CRYBG3: variants seen among roughly 807,000 people sequenced by gnomAD.
CRYBG3 encodes crystallin beta-gamma domain containing 3, also known as very large A-kinase anchor protein.
Under a neutral mutation model 244.2 loss-of-function variants are expected in CRYBG3, and 127 were observed. The observed-to-expected ratio is 0.52, with a 90% confidence interval of 0.45 to 0.60. The LOEUF is 0.60. Among genes scored for constraint, CRYBG3 ranks in the 20% least tolerant of loss-of-function variants. The probability of loss-of-function intolerance (pLI) is 0.00; values close to 1 mark genes in which losing one functional copy is unlikely to be tolerated. For synonymous variants in CRYBG3, 1,132 were observed against 1,195.8 expected (o/e 0.95, Z 1.10); for missense variants, 3,325 against 3,442.5 (o/e 0.97, Z 0.85).
At chr3:97,935,873 A>G (rs115003953) in intron 18 of CRYBG3, among the ~76,000 whole-genome samples, 509 of 152,124 alleles carry the variant, frequency 3.3e-3, no homozygotes, top group African/African-American at 0.012. Flanking sequence ...CCCTGCCACA[A>G]TTCCAGGTGC....
chr3:97,845,965 C>T lies in CRYBG3; in HGVS notation c.216+2704C>T, dbSNP rs190152505. Among the ~76,000 whole-genome samples the T allele has an allele frequency of 7.9e-5, 12 of 152,278 alleles. 1 individual carries two copies. The highest frequency in any genetic ancestry group is 2.2e-4 in the African/African-American group (9 of 41,544). ...TGTTCAGTTCTTAATGCTTTCTGCT[C>T]GGACTCCTGTTTCTCTTTTAGTTCC... On this transcript the variant is annotated intron_variant, in intron 2 of 21. Transcript: ENST00000389622.
intron 2 of CRYBG3, among the ~76,000 whole-genome samples, chr3:97,849,097 C>G (rs1330807180): frequency 6.6e-6 from 1 of 152,160 alleles, no homozygotes; most frequent in Non-Finnish European, 1.5e-5. Context: ...TTTATTTAAC[C>G]TCTCTGAATC....
chr3:97,907,647 A>C (rs1381112362), intron 15 of CRYBG3, among the ~76,000 whole-genome samples: 1 of 144,832 alleles, frequency 6.9e-6, no homozygotes, highest in African/African-American at 2.6e-5. Flanking sequence ...TTTTTTCTTT[A>C]TTAGTCTTGC....
chr3:97,824,080 TAGC>T (rs2038547092), intron 1 of CRYBG3, among the ~76,000 whole-genome samples: 1 of 152,224 alleles, frequency 6.6e-6, no homozygotes, highest in African/African-American at 2.4e-5. Context: ...GTTAGGGGGA[TAGC>T]AGATGACCCT....
At chr3:97,935,766 G>C (rs1042730506) in intron 18 of CRYBG3, among the ~76,000 whole-genome samples, 2 of 151,994 alleles carry the variant, frequency 1.3e-5, no homozygotes, top group African/African-American at 4.8e-5. Flanking sequence ...CTGTTCCTGA[G>C]CTCTGGTCCA....
Position 97,899,282 on chromosome 3 carries a change from T to C in CRYBG3, c.7971+19T>C, listed in dbSNP as rs1388942665. The C allele has an allele frequency of 1.2e-6, 2 of 1,605,506 alleles. No homozygotes were observed. Among genetic ancestry groups the C allele is most frequent in the South Asian group, 2.3e-5 (2 of 88,800 alleles). On this transcript the variant is annotated intron_variant, in intron 14 of 21. Coordinates refer to ENST00000389622, the MANE Select transcript of CRYBG3 (RefSeq NM_153605.4). ...CCAACTGGTGAGTGAAGTATGAACATAGCCAGTGCTGCATCATGTAATAGT... is the reference window on the plus strand; with the variant it reads ...CCAACTGGTGAGTGAAGTATGAACACAGCCAGTGCTGCATCATGTAATAGT...
chr3:97,897,708 T>A (rs375409632), intron 12 of CRYBG3, among the ~76,000 whole-genome samples: 3 of 152,322 alleles, frequency 2.0e-5, no homozygotes, highest in South Asian at 4.1e-4. Flanking sequence ...GTTTATAATT[T>A]TTCACTATTG....
rs770198248 is a variant in CRYBG3 at position 97,942,479 on chromosome 3, GATAT to G, written c.8824+37_8824+40del. On this transcript the variant is annotated intron_variant, in intron 21 of 21. Coordinates refer to ENST00000389622, the MANE Select transcript of CRYBG3 (RefSeq NM_153605.4). The stretch of plus-strand genomic sequence containing the variant: ...GATGATACCCAATGTTGTGTCCCTG[GATAT>G]TAGTTTCAGTTCCAAATCTCCTCAT... 37 of 1,548,686 alleles carry G rather than the reference GATAT, an allele frequency of 2.4e-5. No individual in the cohort carries two copies. In the African/African-American group the frequency reaches 4.6e-4, roughly 19 times the overall value.
intron 15 of CRYBG3, 83 bp from the exon 16 acceptor site, chr3:97,912,084 C>A: frequency 1.7e-6 from 1 of 595,324 alleles, no homozygotes; most frequent in South Asian, 2.9e-5. Context: ...TTTATAAATT[C>A]ATGAAATTAA....
At chr3:97,837,131 C>G (rs1157212911) in intron 1 of CRYBG3, 1 of 152,176 alleles carries the variant, frequency 6.6e-6, no homozygotes, top group Non-Finnish European at 1.5e-5. Flanking sequence ...CATTTTACTA[C>G]TTATGACAGT....
chr3:97,933,153 G>C (rs964816248), intron 17 of CRYBG3: 2 of 452,640 alleles, frequency 4.4e-6, no homozygotes, highest in African/African-American at 2.0e-5. Context: ...TGTCTGACAT[G>C]ATGGGTTGAA....
At chr3:97,882,212 T>C (rs886679796) in intron 7 of CRYBG3, among the ~76,000 whole-genome samples, 4 of 150,834 alleles carry the variant, frequency 2.7e-5, no homozygotes, top group Admixed American at 6.6e-5. Context: ...TGTCTAATAA[T>C]AATAATAATA....
Position 97,876,834 on chromosome 3 carries a change from C to G in CRYBG3, c.5640C>G (p.Thr1880=). The G allele has an allele frequency of 7.3e-7, 1 of 1,371,294 alleles. No homozygotes were observed. 84.9% of individuals were successfully genotyped at this position (1,371,294 alleles called of 1,614,324 possible). The change falls in exon 4 of 22, where the codon ACC becomes ACG. Residue 1880 remains threonine (T), a synonymous_variant. Transcript: ENST00000389622. ...EKIHGTGLEL[T]TKQGEAMLPA... ...TACATGGAACAGGACTAGAATTGAC[C>G]ACTAAACAAGGGGAGGCCATGCTTC...
At chr3:97,922,883 G>A (rs1191883387) in intron 17 of CRYBG3, among the ~76,000 whole-genome samples, 2 of 152,066 alleles carry the variant, frequency 1.3e-5, no homozygotes, top group Admixed American at 1.3e-4. Flanking sequence ...AAAGACACAT[G>A]CACACATATG....
intron 2 of CRYBG3, among the ~76,000 whole-genome samples, 187 bp downstream of exon 2, chr3:97,843,448 G>A (rs2038851829): frequency 6.6e-6 from 1 of 152,150 alleles, no homozygotes; most frequent in African/African-American, 2.4e-5. Flanking sequence ...GACAGGTGGG[G>A]AAAGGCTCTG....
intron 2 of CRYBG3, among the ~76,000 whole-genome samples, chr3:97,857,938 G>A (rs1196527174): frequency 6.6e-6 from 1 of 151,878 alleles, no homozygotes; most frequent in Non-Finnish European, 1.5e-5. Flanking sequence ...TCATGATGAG[G>A]TTTGATTACT....
chr3:97,825,990 C>T (rs2038571523), intron 1 of CRYBG3, among the ~76,000 whole-genome samples: 1 of 152,138 alleles, frequency 6.6e-6, no homozygotes, highest in Non-Finnish European at 1.5e-5. Flanking sequence ...TAATTGGTAA[C>T]TAGTTAGTTG....
chr3:97,844,918 A>G (rs1214503582), intron 2 of CRYBG3, among the ~76,000 whole-genome samples: 1 of 152,174 alleles, frequency 6.6e-6, no homozygotes, highest in South Asian at 2.1e-4. Flanking sequence ...TTTGAAGCCT[A>G]TGAGTTTACT....
In CRYBG3 at chr3:97,895,991, G is replaced by T; in HGVS notation, c.7607G>T (p.Gly2536Val). ...GCCTATGAAAAAGAACATTTTAAAGGCCAGCAGTTTCTGCTTGAAGAAGGA... is the reference window on the plus strand; with the variant it reads ...GCCTATGAAAAAGAACATTTTAAAGTCCAGCAGTTTCTGCTTGAAGAAGGA... The part of the protein sequence containing the change: ...WVAYEKEHFK[G>V]QQFLLEEGDF... Residue 2536 changes from glycine (G) to valine (V), a missense_variant, in exon 12 of 22, where the codon GGC becomes GTC. This residue lies in a region of CRYBG3 where 714 missense variants were observed against 803.6 expected (regional missense o/e 0.89). Coordinates refer to ENST00000389622, the MANE Select transcript of CRYBG3 (RefSeq NM_153605.4). The T allele has an allele frequency of 1.9e-6, 3 of 1,613,306 alleles. No individual in the cohort carries two copies. Among genetic ancestry groups the T allele is most frequent in the Non-Finnish European group, 2.5e-6 (3 of 1,179,608 alleles).
Sources: allele counts gnomAD v4.1 joint callset (sites outside exome capture counted in the v4.1 genomes callset), GRCh38; gene constraint gnomAD v4.1.1; regional missense constraint gnomAD v4.1.1; transcripts MANE v1.5; gene names NCBI Gene and HGNC (gene_info 2026-07-23, HGNC 2026-07-21).